Variants in OSBPL9 observed in about 807,000 individuals in gnomAD.
The protein encoded by OSBPL9 is oxysterol binding protein like 9.
In OSBPL9, 40 loss-of-function variants were observed where a neutral mutation model predicts 106.6. The observed-to-expected ratio is 0.38, with a 90% CI of 0.29 to 0.49. The LOEUF is 0.49. Ranked by LOEUF, OSBPL9 falls within the 20% of genes least tolerant of loss-of-function variation. The pLI is 0.97. For missense variants in OSBPL9, 609 were observed against 887.2 expected, an observed-to-expected ratio of 0.69 and a Z score of 3.98; for synonymous variants, 269 against 295.4, an observed-to-expected ratio of 0.91 and a Z score of 0.92.
rs1367411218 is a variant in OSBPL9, at chr1:51,784,558, A to T, written c.1805A>T (p.Lys602Met). The change falls in exon 20 of 24, where the codon AAG becomes ATG. Residue 602 changes from lysine to methionine, a missense_variant. Physicochemically the swap from Lys to Met is moderately conservative, Grantham distance 95 (BLOSUM62 -1). This residue lies in a region of OSBPL9 where 132 missense variants were observed against 158.1 expected (regional missense o/e 0.83). Coordinates refer to ENST00000428468, the MANE Select transcript of OSBPL9 (RefSeq NM_024586.6). Reference protein sequence around the residue: ...FHTKPFYGGKKHRITAEIFSP... With the variant: ...FHTKPFYGGKMHRITAEIFSP... ...ACTAAACCCTTCTATGGGGGCAAGAAGCACAGAATTACTGCCGAGATTTTG... is the reference window on the plus strand; with the variant it reads ...ACTAAACCCTTCTATGGGGGCAAGATGCACAGAATTACTGCCGAGATTTTG... 3.1e-6 allele frequency: 5 copies of T among 1,614,186 alleles called. No individual in the cohort carries two copies. The highest frequency in any genetic ancestry group is 4.2e-6 in the Non-Finnish European group (5 of 1,180,000).
At chr1:51,527,841 C>A in the OSBPL9 span, among the ~76,000 whole-genome samples, 1 of 151,540 alleles carries the variant, frequency 6.6e-6, no homozygotes, top group South Asian at 2.1e-4. Context: ...AGCCGGGCAC[C>A]GTGGCTCATG....
chr1:51,651,477 C>T (rs1348569052), intron 1 of OSBPL9, among the ~76,000 whole-genome samples: 1 of 152,050 alleles, frequency 6.6e-6, no homozygotes, highest in Non-Finnish European at 1.5e-5. Context: ...GTGGCGGGTG[C>T]CTGTAATCCC....
intron 14 of OSBPL9, among the ~76,000 whole-genome samples, chr1:51,776,121 C>T (rs539516867): frequency 3.3e-5 from 5 of 152,136 alleles, no homozygotes; most frequent in African/African-American, 1.2e-4. Flanking sequence ...CATGTCTTCC[C>T]GTATTCCAGT....
chr1:51,675,385 A>AT (rs1011298308), intron 3 of OSBPL9, among the ~76,000 whole-genome samples: 1 of 150,350 alleles, frequency 6.7e-6, no homozygotes, highest in Admixed American at 6.6e-5. Flanking sequence ...TTATTTATTT[A>AT]TTTTTTGTGA....
intron 4 of OSBPL9, among the ~76,000 whole-genome samples, chr1:51,731,814 T>G (rs1275904072): frequency 6.7e-6 from 1 of 149,702 alleles, no homozygotes; most frequent in Non-Finnish European, 1.5e-5. Flanking sequence ...AAAAAACAGA[T>G]TTGTAGTCTG....
intron 1 of OSBPL9, among the ~76,000 whole-genome samples, chr1:51,580,943 TATATATATATA>T (rs1203696272): frequency 0.25 from 427 of 1,730 alleles, 114 homozygotes; most frequent in Non-Finnish European, 0.32. Context: ...TATATATATA[TATATATATATA>T]ACTTTTTTGA....
intron 1 of OSBPL9, among the ~76,000 whole-genome samples, chr1:51,643,482 T>C (rs1327988616): frequency 6.6e-6 from 1 of 151,984 alleles, no homozygotes; most frequent in Non-Finnish European, 1.5e-5. Flanking sequence ...TAAAAGTCCT[T>C]AGGCAAGAAA....
At chr1:51,726,176 T>G (rs770388300) in intron 4 of OSBPL9, among the ~76,000 whole-genome samples, 2 of 152,362 alleles carry the variant, frequency 1.3e-5, no homozygotes, top group Non-Finnish European at 2.9e-5. Context: ...AGGTTGCCCC[T>G]TGTGAGTTTT....
rs1195699416 is a variant in OSBPL9 at position 51,776,978 on chromosome 1, C to T, written c.1256+60C>T. The T allele has an allele frequency of 3.0e-6, 4 of 1,322,910 alleles. No individual in the cohort carries two copies. In the African/African-American group the frequency reaches 4.4e-5, roughly 14 times the overall value. The allele number at this position is 1,322,910 out of a possible 1,614,324, so 81.9% of individuals were successfully genotyped here. A position where few individuals can be genotyped will look rare whatever the true frequency, so the allele number is the denominator to read the frequency against. ...CAGATGTTACTCAGCAGCTTTCTGC[C>T]TTTTATTTTGCAGGATAGATGGATT... On this transcript the variant is annotated intron_variant, in intron 15 of 23. Transcript: ENST00000428468.
the OSBPL9 span, among the ~76,000 whole-genome samples, chr1:51,555,820 C>A: frequency 1.2e-4 from 18 of 152,174 alleles, no homozygotes; most frequent in African/African-American, 3.9e-4. Context: ...ATCCACCCGC[C>A]TTGGCCTCCC....
chr1:51,789,038 C>CTAAT lies in OSBPL9; in HGVS notation c.*1251_*1254dup, dbSNP rs1297834284. Among the ~76,000 whole-genome samples, 6 of 152,244 alleles carry CTAAT rather than the reference C, an allele frequency of 3.9e-5. No individual in the cohort carries two copies. The highest frequency in any genetic ancestry group is 9.6e-5 in the African/African-American group (4 of 41,540). On this transcript the variant is annotated 3_prime_UTR_variant, in exon 24 of 24. Transcript: ENST00000428468. ...TTCTGGTCTCGCTTGGCCCATTCTG[C>CTAAT]TAATTTTCCTTTGCCAGCTCCTACA...
At chr1:51,735,668 C>T (rs542969503) in intron 4 of OSBPL9, among the ~76,000 whole-genome samples, 19 of 152,284 alleles carry the variant, frequency 1.2e-4, no homozygotes, top group African/African-American at 4.3e-4. Flanking sequence ...CCAAAGGATC[C>T]GGCACAGGGC....
At position 51,748,279 on chromosome 1, in the gene OSBPL9, G is replaced by A. The variant is rs1668464243; in HGVS notation, c.463-90G>A. On this transcript the variant is annotated intron_variant, in intron 6 of 23. Coordinates refer to ENST00000428468, the MANE Select transcript of OSBPL9 (RefSeq NM_024586.6). The stretch of plus-strand genomic sequence containing the variant: ...ACTCACTTAGAATGAGTACATTTTG[G>A]TAAAATTCTTTAAATGACTAGCCAG... 4 of 1,437,664 alleles carry A rather than the reference G, an allele frequency of 2.8e-6. No individual in the cohort carries two copies. In the Admixed American group the frequency reaches 1.3e-4, roughly 46 times the overall value. The allele number at this position is 1,437,664 out of a possible 1,614,324, so 89.1% of individuals were successfully genotyped here. A position where few individuals can be genotyped will look rare whatever the true frequency, so the allele number is the denominator to read the frequency against.
chr1:51,744,133 G>T (rs981405306), intron 4 of OSBPL9, among the ~76,000 whole-genome samples: 6 of 151,844 alleles, frequency 4.0e-5, no homozygotes, highest in African/African-American at 1.5e-4. Flanking sequence ...TTTTTCCCAT[G>T]GTCTTAATAG....
chr1:51,712,475 G>T (rs1660277206), intron 3 of OSBPL9, among the ~76,000 whole-genome samples: 8 of 152,152 alleles, frequency 5.3e-5, no homozygotes. Flanking sequence ...TTGACTTACT[G>T]TCTTTTGTTC....
At chr1:51,639,591 T>C (rs1326087712) in intron 1 of OSBPL9, among the ~76,000 whole-genome samples, 1 of 152,138 alleles carries the variant, frequency 6.6e-6, no homozygotes, top group Non-Finnish European at 1.5e-5. Flanking sequence ...ACATACGTTA[T>C]TATCATGTAA....
intron 3 of OSBPL9, among the ~76,000 whole-genome samples, chr1:51,705,376 C>CATATATATATATATATATAT (rs202075577): frequency 7.7e-4 from 32 of 41,666 alleles, no homozygotes; most frequent in South Asian, 2.3e-3. Context: ...TAGGGTGTTT[C>CATATATATATATATATATAT]ATATATATAT....
intron 4 of OSBPL9, among the ~76,000 whole-genome samples, chr1:51,738,226 A>G (rs1043639656): frequency 6.6e-6 from 1 of 151,990 alleles, no homozygotes; most frequent in Non-Finnish European, 1.5e-5. Flanking sequence ...TATAAGTCAA[A>G]GGGTGTATTA....
chr1:51,539,520 C>T, the OSBPL9 span, among the ~76,000 whole-genome samples: 4 of 152,196 alleles, frequency 2.6e-5, no homozygotes, highest in Admixed American at 6.5e-5. Context: ...ATTCTCCATA[C>T]ACCAGCTACA....
Sources: gnomAD v4.1 joint callset for allele counts (sites outside exome capture counted in the v4.1 genomes callset) on GRCh38, gnomAD v4.1.1 for gene constraint, gnomAD v4.1.1 regional missense constraint, MANE v1.5 for transcripts, NCBI Gene and HGNC (gene_info 2026-07-23, HGNC 2026-07-21) for gene names.